The following VAV2 variants were observed in gnomAD, a reference collection of about 807,000 sequenced individuals.
VAV2 encodes vav guanine nucleotide exchange factor 2.
VAV2 carries 67 observed loss-of-function variants against 132.5 expected under a neutral mutation model. That is an observed-to-expected ratio of 0.51 (90% confidence interval 0.42 to 0.62). The LOEUF is 0.62. Ranked by LOEUF, VAV2 falls within the 20% of genes least tolerant of loss-of-function variation. The pLI, the probability that VAV2 is intolerant of heterozygous loss-of-function variation, is 0.00. For synonymous variants in VAV2, 492 were observed against 443.5 expected (o/e 1.11, Z -1.37); for missense variants, 938 against 1,153.6 (o/e 0.81, Z 2.71).
intron 3 of VAV2, among the ~76,000 whole-genome samples, chr9:133,842,613 CG>C (rs1434570623): frequency 6.7e-6 from 1 of 148,722 alleles, no homozygotes; most frequent in Non-Finnish European, 1.5e-5. Flanking sequence ...CTGACACTAT[CG>C]GGGGGTGGTG....
In VAV2 at chr9:133,918,806, T is replaced by C. The variant is rs1439318377; in HGVS notation, c.321+20297A>G. Among the ~76,000 whole-genome samples the C allele has an allele frequency of 6.6e-6, 1 of 152,064 alleles. No homozygotes were observed. On this transcript the variant is annotated intron_variant, in intron 2 of 29. Transcript: ENST00000371850. The surrounding 1 kb of genome is among the most constrained non-coding windows in gnomAD (Gnocchi z 4.7). Reference sequence around the variant, plus strand: ...GTTTGTTTGTTTTGAGACAGAGTCTTGTTCTGTCGCCCAGGCTGAAGTGCA... The same window carrying C: ...GTTTGTTTGTTTTGAGACAGAGTCTCGTTCTGTCGCCCAGGCTGAAGTGCA...
intron 3 of VAV2, among the ~76,000 whole-genome samples, chr9:133,838,457 AGGTG>A (rs1192835167): frequency 9.5e-5 from 7 of 73,942 alleles, no homozygotes; most frequent in Admixed American, 1.4e-4. Context: ...GTGGGTAAGT[AGGTG>A]GGTGGGTGGG....
intron 2 of VAV2, among the ~76,000 whole-genome samples, chr9:133,921,378 C>G (rs977118004): frequency 2.0e-5 from 3 of 152,228 alleles, no homozygotes; most frequent in African/African-American, 7.2e-5. Context: ...TGGCTCACAT[C>G]TGTCATCTCA....
chr9:133,828,517 C>A (rs114316921), intron 4 of VAV2, among the ~76,000 whole-genome samples: 2 of 147,846 alleles, frequency 1.4e-5, no homozygotes, highest in Admixed American at 6.6e-5. Flanking sequence ...CGCCGGCATG[C>A]GGCCACCTTC....
chr9:133,847,008 C>T (rs938836674), intron 3 of VAV2, among the ~76,000 whole-genome samples: 31 of 152,180 alleles, frequency 2.0e-4, no homozygotes, highest in African/African-American at 6.0e-4. Flanking sequence ...TGGTGCCAGC[C>T]GTGGGCCTGA....
rs1222095857 is a variant in VAV2, at chr9:133,883,366, G to C, written c.322-21934C>G. On this transcript the variant is annotated intron_variant, in intron 2 of 29. Transcript: ENST00000371850. The surrounding 1 kb of genome is among the most constrained non-coding windows in gnomAD (Gnocchi z 4.2). ...CCCTGCCGGGGTGTGCCAAGTGAGT[G>C]TGGGGCTGACGGGTGTGAGCCACAG... Among the ~76,000 whole-genome samples, 7 of 152,250 alleles carry C rather than the reference G, an allele frequency of 4.6e-5. No homozygotes were observed. The highest frequency in any genetic ancestry group is 1.7e-4 in the African/African-American group (7 of 41,462).
Position 133,769,401 on chromosome 9 carries a change from T to G in VAV2, c.2434+16A>C, listed in dbSNP as rs1588151246. The stretch of plus-strand genomic sequence containing the variant: ...CCACAGGCCCGGTCCCCCCACGCCC[T>G]GGGGAGCAGCGGTACCTGACCAGAA... On this transcript the variant is annotated intron_variant, in intron 28 of 29. Transcript: ENST00000371850. The surrounding 1 kb of genome is among the most constrained non-coding windows in gnomAD (Gnocchi z 8.1). The G allele has an allele frequency of 6.2e-7, 1 of 1,605,842 alleles. No individual in the cohort carries two copies. Among genetic ancestry groups the G allele is most frequent in the Non-Finnish European group, 8.5e-7 (1 of 1,176,612 alleles).
Position 133,787,265 on chromosome 9 carries a change from G to A in VAV2, c.1408-5C>T, listed in dbSNP as rs1265533485. 6.3e-7 allele frequency: 1 copy of A among 1,586,940 alleles called. No individual in the cohort carries two copies. The highest frequency in any genetic ancestry group is 1.3e-5 in the African/African-American group (1 of 74,240). On this transcript the variant is annotated splice_region_variant and splice_polypyrimidine_tract_variant and intron_variant, in intron 15 of 29. Transcript: ENST00000371850. ...GCTTACCATTTTCCCGTGAGACTAG[G>A]AAGCATGGAGAGGAGAGGAAGGGGA...
chr9:133,922,076 C>A (rs1413709524), intron 2 of VAV2, among the ~76,000 whole-genome samples: 1 of 152,246 alleles, frequency 6.6e-6, no homozygotes, highest in East Asian at 1.9e-4. Context: ...GGACCCCAAG[C>A]CCACGCTGTT....
Position 133,908,690 on chromosome 9 carries a change from C to A in VAV2, c.321+30413G>T, listed in dbSNP as rs566561178. ...AAGGCAGCAGGCTGTAGTGGGTCTGCGCCTCCACTATGGGAACCGCTGGGA... is the reference window on the plus strand; with the variant it reads ...AAGGCAGCAGGCTGTAGTGGGTCTGAGCCTCCACTATGGGAACCGCTGGGA... On this transcript the variant is annotated intron_variant, in intron 2 of 29. Transcript: ENST00000371850. Among the ~76,000 whole-genome samples, 5 of 152,376 alleles carry A rather than the reference C, an allele frequency of 3.3e-5. No homozygotes were observed. In the East Asian group the frequency reaches 9.6e-4, roughly 29 times the overall value.
chr9:133,839,451 G>GT (rs765088441), intron 3 of VAV2, among the ~76,000 whole-genome samples: 6,366 of 140,416 alleles, frequency 0.045, 203 homozygotes, highest in African/African-American at 0.099. Context: ...ATACGAGGAA[G>GT]TTTTTTTTTT....
At chr9:133,934,943 G>A (rs1374528745) in intron 2 of VAV2, among the ~76,000 whole-genome samples, 2 of 152,178 alleles carry the variant, frequency 1.3e-5, no homozygotes, top group Non-Finnish European at 2.9e-5. Context: ...GTAAGTAGGA[G>A]CCGATCAGAC....
intron 3 of VAV2, among the ~76,000 whole-genome samples, chr9:133,847,046 G>A (rs980884747): frequency 3.9e-5 from 6 of 152,184 alleles, no homozygotes; most frequent in Non-Finnish European, 5.9e-5. Context: ...ATGGGGCTGG[G>A]CGAGGGCCAG....
intron 4 of VAV2, among the ~76,000 whole-genome samples, chr9:133,814,465 G>C (rs905471590): frequency 6.6e-6 from 1 of 152,282 alleles, no homozygotes; most frequent in African/African-American, 2.4e-5. Context: ...AGGCGAGACA[G>C]GGAAGCTTCC....
At chr9:133,911,116 A>T (rs978107000) in intron 2 of VAV2, among the ~76,000 whole-genome samples, 1 of 152,202 alleles carries the variant, frequency 6.6e-6, no homozygotes, top group Non-Finnish European at 1.5e-5. Context: ...TCTGATCTCT[A>T]CAGTTTCATA....
intron 2 of VAV2, among the ~76,000 whole-genome samples, chr9:133,892,943 G>T (rs775306887): frequency 1.2e-4 from 18 of 152,188 alleles, no homozygotes; most frequent in Non-Finnish European, 1.8e-4. Flanking sequence ...TTATCATCAG[G>T]ATGATGTCTC....
chr9:133,821,502 A>G (rs996625182), intron 4 of VAV2, among the ~76,000 whole-genome samples: 2 of 152,232 alleles, frequency 1.3e-5, no homozygotes, highest in Middle Eastern at 3.2e-3. Flanking sequence ...CAAGACCAGT[A>G]GAGGCTGAGC....
rs1836519223 is a variant in VAV2, at chr9:133,837,563, G to T, written c.381-3223C>A. Among the ~76,000 whole-genome samples, 3 of 152,088 alleles carry T rather than the reference G, an allele frequency of 2.0e-5. 1 individual carries two copies. In the South Asian group the frequency reaches 6.2e-4, roughly 31 times the overall value. On this transcript the variant is annotated intron_variant, in intron 3 of 29. Transcript: ENST00000371850. ...AATACAAAAAAATTAGCCGGGCGCG[G>T]TGGTGGGCGCCTGTAATCCCAGCTA... is the stretch of plus-strand genomic sequence containing the variant.
intron 3 of VAV2, among the ~76,000 whole-genome samples, chr9:133,837,418 A>G (rs986436758): frequency 6.6e-6 from 1 of 152,194 alleles, no homozygotes; most frequent in African/African-American, 2.4e-5. Context: ...TTTGTCGGCC[A>G]GGCGCGGTGG....
Sources: allele counts gnomAD v4.1 joint callset (sites outside exome capture counted in the v4.1 genomes callset), GRCh38; gene constraint gnomAD v4.1.1; non-coding constraint Gnocchi (gnomAD v3.1); transcripts MANE v1.5; gene names NCBI Gene and HGNC (gene_info 2026-07-23, HGNC 2026-07-21).